GREB1L: variants seen among roughly 807,000 people sequenced by gnomAD.
GREB1L encodes GREB1 like retinoic acid receptor coactivator.
Under a neutral mutation model 200.8 loss-of-function variants are expected in GREB1L, and 17 were observed. The ratio of observed to expected loss-of-function variants is 0.08; its 90% CI spans 0.06 to 0.13. The LOEUF (loss-of-function observed/expected upper bound fraction) is 0.13, where lower values mean the gene tolerates loss of function less well. Ranked by LOEUF, GREB1L falls within the 10% of genes least tolerant of loss-of-function variation. The probability of loss-of-function intolerance (pLI) is 1.00; values close to 1 mark genes in which losing one functional copy is unlikely to be tolerated. For missense variants in GREB1L, 1,657 were observed against 2,367.7 expected (o/e 0.70, Z 6.23); for synonymous variants, 789 against 893.0 (o/e 0.88, Z 2.08).
At chr18:21,475,829 C>T (rs1243946247) in intron 16 of GREB1L, among the ~76,000 whole-genome samples, 5 of 151,664 alleles carry the variant, frequency 3.3e-5, no homozygotes, top group Non-Finnish European at 7.4e-5. Flanking sequence ...ATTAGCTGGG[C>T]GTGGTGGCAC....
intron 1 of GREB1L, among the ~76,000 whole-genome samples, chr18:21,279,289 A>C (rs563600195): frequency 1.2e-4 from 19 of 152,130 alleles, no homozygotes; most frequent in African/African-American, 4.3e-4. Flanking sequence ...TATTTCTCTC[A>C]TGAATATTTT....
chr18:21,338,771 G>A (rs1047762061), intron 1 of GREB1L, among the ~76,000 whole-genome samples: 5 of 152,188 alleles, frequency 3.3e-5, no homozygotes, highest in Non-Finnish European at 7.3e-5. Flanking sequence ...TCCTTTAGGA[G>A]GTTCCTTATA....
intron 7 of GREB1L, among the ~76,000 whole-genome samples, chr18:21,414,629 G>C (rs1293954664): frequency 2.0e-5 from 3 of 152,132 alleles, no homozygotes; most frequent in Non-Finnish European, 4.4e-5. Context: ...CAATTACTGG[G>C]TACTAGGAGA....
At chr18:21,322,931 T>C (rs1332368531) in intron 1 of GREB1L, among the ~76,000 whole-genome samples, 2 of 152,164 alleles carry the variant, frequency 1.3e-5, no homozygotes, top group Non-Finnish European at 1.5e-5. Flanking sequence ...TTTTTTTTTC[T>C]TAATCTTAGG....
At chr18:21,307,620 C>T (rs1184848453) in intron 1 of GREB1L, among the ~76,000 whole-genome samples, 1 of 152,042 alleles carries the variant, frequency 6.6e-6, no homozygotes, top group Non-Finnish European at 1.5e-5. Flanking sequence ...TCCTTTTACC[C>T]CTTCTGGTCA....
At chr18:21,346,076 G>A (rs187754301) in intron 1 of GREB1L, among the ~76,000 whole-genome samples, 11 of 152,138 alleles carry the variant, frequency 7.2e-5, no homozygotes, top group African/African-American at 1.9e-4. Context: ...ATGAGGTAGC[G>A]GCATGCCTAG....
intron 1 of GREB1L, among the ~76,000 whole-genome samples, chr18:21,243,952 T>G (rs1459701558): frequency 6.6e-6 from 1 of 152,216 alleles, no homozygotes; most frequent in Admixed American, 6.5e-5. Context: ...TGTTGTATAT[T>G]TTTTGTATAT....
At chr18:21,453,317 C>A (rs2034612352) in intron 14 of GREB1L, among the ~76,000 whole-genome samples, 1 of 152,150 alleles carries the variant, frequency 6.6e-6, no homozygotes, top group Non-Finnish European at 1.5e-5. Context: ...CTAGGGAGAC[C>A]ATCCATCTAA....
chr18:21,318,850 T>C (rs900926125), intron 1 of GREB1L, among the ~76,000 whole-genome samples: 1 of 152,152 alleles, frequency 6.6e-6, no homozygotes, highest in Non-Finnish European at 1.5e-5. Context: ...AAAGGAGGAC[T>C]CAGAGGATCA....
chr18:21,456,975 C>A (rs928564894), intron 15 of GREB1L, among the ~76,000 whole-genome samples: 1 of 152,106 alleles, frequency 6.6e-6, no homozygotes, highest in African/African-American at 2.4e-5. Flanking sequence ...TGTGGCCTCC[C>A]TGAGTTTGTG....
intron 2 of GREB1L, among the ~76,000 whole-genome samples, chr18:21,374,868 T>C (rs1290237140): frequency 6.7e-6 from 1 of 149,994 alleles, no homozygotes; most frequent in East Asian, 1.9e-4. Flanking sequence ...TTTTTTTTTT[T>C]TCCACACAGG....
chr18:21,279,435 C>G (rs1248537260), intron 1 of GREB1L, among the ~76,000 whole-genome samples: 1 of 152,052 alleles, frequency 6.6e-6, no homozygotes, highest in African/African-American at 2.4e-5. Context: ...ACTTACGGAT[C>G]CCTTCCCAGC....
chr18:21,351,135 T>C (rs2039426906), intron 1 of GREB1L, among the ~76,000 whole-genome samples: 1 of 152,192 alleles, frequency 6.6e-6, no homozygotes, highest in South Asian at 2.1e-4. Flanking sequence ...TTTATTCAAA[T>C]AGGTTTTTTT....
chr18:21,300,812 T>G, intron 1 of GREB1L, among the ~76,000 whole-genome samples: 1 of 152,068 alleles, frequency 6.6e-6, no homozygotes, highest in African/African-American at 2.4e-5. Flanking sequence ...ACACCATCCG[T>G]GTGTGAGGGG....
At position 21,454,018 on chromosome 18, in the gene GREB1L, C is replaced by T. The variant is rs150344465; in HGVS notation, c.1985-348C>T. On this transcript the variant is annotated intron_variant, in intron 14 of 32. Transcript: ENST00000424526. Reference sequence around the variant, plus strand: ...TCTAAAGAAAACTGGAAATGCTACCCTTTCCAGGGATGAGTCTTGGCTCCA... The same window carrying T: ...TCTAAAGAAAACTGGAAATGCTACCTTTTCCAGGGATGAGTCTTGGCTCCA... Among the ~76,000 whole-genome samples the T allele has an allele frequency of 1.5e-3, 225 of 152,296 alleles. 3 individuals carry two copies. The East Asian group carries it at 0.031, about 21-fold the overall frequency.
intron 27 of GREB1L, 85 bp downstream of exon 27, chr18:21,508,676 T>G: frequency 9.6e-7 from 1 of 1,039,130 alleles, no homozygotes; most frequent in Non-Finnish European, 1.4e-6. Flanking sequence ...CAGATTCCCC[T>G]GCCTCTAGAA....
At chr18:21,258,919 G>C (rs2037845244) in intron 1 of GREB1L, among the ~76,000 whole-genome samples, 1 of 152,142 alleles carries the variant, frequency 6.6e-6, no homozygotes, top group Admixed American at 6.5e-5. Flanking sequence ...TAGTGGAATA[G>C]AGCCATGGAA....
At chr18:21,477,648 TG>T (rs1452243775) in intron 17 of GREB1L, among the ~76,000 whole-genome samples, 31 of 152,182 alleles carry the variant, frequency 2.0e-4, no homozygotes, top group African/African-American at 7.5e-4. Context: ...TAGCCGGGTG[TG>T]CTGGCACACG....
intron 1 of GREB1L, among the ~76,000 whole-genome samples, chr18:21,264,794 G>A (rs1039612536): frequency 9.9e-5 from 15 of 151,750 alleles, no homozygotes; most frequent in Admixed American, 8.6e-4. Context: ...AGTTTACACT[G>A]CAGAGAGTTG....
Sources: gnomAD v4.1 joint callset for allele counts (sites outside exome capture counted in the v4.1 genomes callset) on GRCh38, gnomAD v4.1.1 for gene constraint, MANE v1.5 for transcripts, NCBI Gene and HGNC (gene_info 2026-07-23, HGNC 2026-07-21) for gene names.